MEI4: variants seen among roughly 807,000 people sequenced by gnomAD.
The protein encoded by MEI4 is meiosis-specific protein MEI4.
A neutral mutation model predicts 31.4 loss-of-function variants in MEI4; 27 were observed. The observed-to-expected ratio is 0.86, with a 90% CI of 0.63 to 1.19. The LOEUF is 1.19. MEI4 is among the 50% of genes most tolerant of loss of function. MEI4 has a pLI of 0.00. For missense variants in MEI4, 329 were observed against 398.9 expected (o/e 0.82, Z 1.49); for synonymous variants, 122 against 145.4 (o/e 0.84, Z 1.16).
chr6:77,893,857 C>T (rs1766022030), intron 4 of MEI4, among the ~76,000 whole-genome samples: 1 of 152,114 alleles, frequency 6.6e-6, no homozygotes, highest in South Asian at 2.1e-4. Flanking sequence ...AAAACTATCT[C>T]ATAGTTTTAA....
intron 3 of MEI4, among the ~76,000 whole-genome samples, chr6:77,779,506 A>G (rs1286177025): frequency 1.3e-5 from 2 of 152,226 alleles, no homozygotes; most frequent in Non-Finnish European, 2.9e-5. Context: ...GAAGAATAGT[A>G]TAAATAATCC....
intron 1 of MEI4, among the ~76,000 whole-genome samples, chr6:77,685,122 A>G (rs1769030625): frequency 6.6e-6 from 1 of 152,164 alleles, no homozygotes; most frequent in South Asian, 2.1e-4. Context: ...GAACACTTTC[A>G]TATGTCTGTT....
In MEI4 at chr6:77,690,688, G is replaced by A. The variant is rs945761439; in HGVS notation, c.17G>A (p.Trp6Ter). The A allele has an allele frequency of 5.7e-6, 7 of 1,230,666 alleles. No homozygotes were observed. The highest frequency in any genetic ancestry group is 7.1e-6 in the Non-Finnish European group (7 of 986,874). The allele number at this position is 1,230,666 out of a possible 1,614,324, so 76.2% of individuals were successfully genotyped here. Residue 6 changes from tryptophan to a stop codon, truncating the protein, a stop_gained, in exon 2 of 5, where the codon TGG becomes TAG. Coordinates refer to ENST00000684080, the MANE Select transcript of MEI4 (RefSeq NM_001322247.2). LOFTEE classifies it high-confidence loss of function. ...AAAGCCAGGATGGATGTTCAAAAAT[G>A]GTATTTGAGAACTTCAAAGCTGGCT... MDVQK[W>*]YLRTSKLALA...
intron 2 of MEI4, among the ~76,000 whole-genome samples, chr6:77,730,766 A>T (rs1454911403): frequency 4.1e-5 from 6 of 146,624 alleles, no homozygotes; most frequent in African/African-American, 1.5e-4. Context: ...TCCCAGTGCT[A>T]TCCCTCGCCC....
intron 3 of MEI4, among the ~76,000 whole-genome samples, chr6:77,781,596 C>G (rs1185383142): frequency 6.6e-6 from 1 of 152,154 alleles, no homozygotes; most frequent in African/African-American, 2.4e-5. Context: ...TCTAATTTCT[C>G]ACTCATTATG....
At chr6:77,787,695 C>G (rs932916337) in intron 3 of MEI4, among the ~76,000 whole-genome samples, 1 of 152,056 alleles carries the variant, frequency 6.6e-6, no homozygotes, top group Non-Finnish European at 1.5e-5. Context: ...TAATAAGGCT[C>G]TAATAACCAA....
chr6:77,771,317 G>A (rs1768311319), intron 3 of MEI4, among the ~76,000 whole-genome samples: 1 of 152,058 alleles, frequency 6.6e-6, no homozygotes, highest in Non-Finnish European at 1.5e-5. Context: ...TGGAGAAAAG[G>A]AAACACTTAT....
At chr6:77,802,010 G>A (rs573729826) in intron 3 of MEI4, among the ~76,000 whole-genome samples, 47 of 152,200 alleles carry the variant, frequency 3.1e-4, no homozygotes, top group African/African-American at 1.1e-3. Flanking sequence ...GCTGAGTTCA[G>A]TTCCTGGATA....
chr6:77,799,212 G>T (rs1769173997), intron 3 of MEI4, among the ~76,000 whole-genome samples: 1 of 152,088 alleles, frequency 6.6e-6, no homozygotes, highest in South Asian at 2.1e-4. Flanking sequence ...GTATCTCATT[G>T]TGGTTTTGAT....
chr6:77,696,891 G>C (rs896687826), intron 2 of MEI4, among the ~76,000 whole-genome samples: 14 of 152,156 alleles, frequency 9.2e-5, no homozygotes, highest in Non-Finnish European at 1.9e-4. Flanking sequence ...AATCCATCTG[G>C]TCCTGGACCT....
chr6:77,802,236 G>A (rs1769285303), intron 3 of MEI4, among the ~76,000 whole-genome samples: 2 of 152,090 alleles, frequency 1.3e-5, no homozygotes, highest in South Asian at 4.1e-4. Context: ...GGCCTTATTT[G>A]TCTCTTTTGA....
At position 77,925,256 on chromosome 6, in the gene MEI4, T is replaced by C. The variant is rs562058287; in HGVS notation, c.*1910T>C. ...AAATTAGCCTAGGAAATATATTTAT[T>C]ATAAAAGAAGATGCAAGATGTTGGG... On this transcript the variant is annotated 3_prime_UTR_variant, in exon 5 of 5. Coordinates refer to ENST00000684080, the MANE Select transcript of MEI4 (RefSeq NM_001322247.2). 1 of 151,968 alleles carries C rather than the reference T, an allele frequency of 6.6e-6. No homozygotes were observed. The highest frequency in any genetic ancestry group is 2.1e-4 in the South Asian group (1 of 4,826). 9.4% of individuals were successfully genotyped at this position (151,968 alleles called of 1,614,324 possible).
At chr6:77,922,235 TTTC>T (rs1411421568) in intron 4 of MEI4, among the ~76,000 whole-genome samples, 1 of 151,566 alleles carries the variant, frequency 6.6e-6, no homozygotes, top group African/African-American at 2.4e-5. Context: ...CCAAAGGAGT[TTTC>T]TTTTTTTCTC....
chr6:77,901,487 T>C (rs1289323481), intron 4 of MEI4, among the ~76,000 whole-genome samples: 1 of 152,120 alleles, frequency 6.6e-6, no homozygotes, highest in Non-Finnish European at 1.5e-5. Flanking sequence ...TTGTTTCATA[T>C]ACCTATTGGC....
chr6:77,782,980 GT>G (rs1488632789), intron 3 of MEI4, among the ~76,000 whole-genome samples: 5 of 151,940 alleles, frequency 3.3e-5, no homozygotes, highest in Non-Finnish European at 7.4e-5. Flanking sequence ...GGGTTATTAT[GT>G]TTTTTTGAAA....
intron 4 of MEI4, among the ~76,000 whole-genome samples, chr6:77,891,886 A>G (rs1159591556): frequency 6.6e-6 from 1 of 152,184 alleles, no homozygotes; most frequent in African/African-American, 2.4e-5. Context: ...GGCAGCTGTA[A>G]TCAATGTCAA....
chr6:77,816,795 T>C (rs9361292), intron 3 of MEI4, among the ~76,000 whole-genome samples: 22,676 of 152,204 alleles, frequency 0.15, 2,056 homozygotes, highest in East Asian at 0.4. Flanking sequence ...CTTTTTAAAG[T>C]AGTAATATTA....
intron 2 of MEI4, among the ~76,000 whole-genome samples, chr6:77,711,176 A>G (rs996532779): frequency 2.0e-5 from 3 of 152,198 alleles, no homozygotes; most frequent in Admixed American, 6.5e-5. Context: ...GTTGTACAGT[A>G]TAGTGACTGT....
Position 77,738,235 on chromosome 6 carries a change from C to A in MEI4, c.233-22895C>A, listed in dbSNP as rs568836786. 3.3e-5 allele frequency among the ~76,000 whole-genome samples: 5 copies of A among 152,260 alleles called. No homozygotes were observed. The South Asian group carries it at 1.0e-3, about 32-fold the overall frequency. On this transcript the variant is annotated intron_variant, in intron 2 of 4. Transcript: ENST00000684080. ...CAAATAGTTTAGAGCCAAGCTGACC[C>A]ACAAATCTTTTGTGTTGTTTTTTGA...
Sources: allele counts gnomAD v4.1 joint callset (sites outside exome capture counted in the v4.1 genomes callset), GRCh38; gene constraint gnomAD v4.1.1; transcripts MANE v1.5; gene names NCBI Gene and HGNC (gene_info 2026-07-23, HGNC 2026-07-21).